The following VKORC1L1 variants were observed in gnomAD, a reference collection of about 807,000 sequenced individuals.
The protein encoded by VKORC1L1 is vitamin K epoxide reductase complex subunit 1L1, also known as vitamin K epoxide reductase complex subunit 1-like protein 1.
VKORC1L1 carries 2 observed loss-of-function variants against 18.9 expected under a neutral mutation model. The ratio of observed to expected loss-of-function variants is 0.11; its 90% confidence interval spans 0.04 to 0.33. The LOEUF (loss-of-function observed/expected upper bound fraction) is 0.33. Among genes scored for constraint, VKORC1L1 ranks in the 10% least tolerant of loss-of-function variants. VKORC1L1 has a pLI of 1.00. For synonymous variants in VKORC1L1, 96 were observed against 100.0 expected, an observed-to-expected ratio of 0.96 and a Z score of 0.24; for missense variants, 123 against 224.1, an observed-to-expected ratio of 0.55 and a Z score of 2.88.
At chr7:65,901,863 G>C (rs906472564) in intron 1 of VKORC1L1, among the ~76,000 whole-genome samples, 1 of 152,006 alleles carries the variant, frequency 6.6e-6, no homozygotes, top group African/African-American at 2.4e-5. Flanking sequence ...ACAATTCCTG[G>C]GACTCAACAC....
At chr7:65,891,891 A>G (rs1789116130) in intron 1 of VKORC1L1, among the ~76,000 whole-genome samples, 1 of 152,190 alleles carries the variant, frequency 6.6e-6, no homozygotes, top group Non-Finnish European at 1.5e-5. Flanking sequence ...GGTACTGAAC[A>G]CTAGACTTAC....
chr7:65,900,904 A>G lies in VKORC1L1; in HGVS notation c.194+27339A>G, dbSNP rs192250160. Among the ~76,000 whole-genome samples the G allele has an allele frequency of 9.1e-3, 1,390 of 152,354 alleles. 12 individuals are homozygous for G. Among genetic ancestry groups the G allele is most frequent in the Middle Eastern group, 0.017 (5 of 294 alleles). On this transcript the variant is annotated intron_variant, in intron 1 of 2. Transcript: ENST00000360768. The stretch of plus-strand genomic sequence containing the variant: ...TCACCCTTTTCCCCTCTGTGAATGA[A>G]GAAGTCCAAGGCCAGTCACGTAGTA...
chr7:65,908,025 T>C (rs1019998515), intron 1 of VKORC1L1, among the ~76,000 whole-genome samples: 4 of 152,320 alleles, frequency 2.6e-5, no homozygotes, highest in African/African-American at 7.2e-5. Context: ...ACTCCTTTGA[T>C]ACACAGAGGC....
Position 65,954,302 on chromosome 7 carries a change from G to T in VKORC1L1, c.*2G>T, listed in dbSNP as rs563348929. ...CAGCTGCAACCCAAGCAGGACTGACGCCCGACAGACTCCACCCTAACAGTC... is the reference window on the plus strand; with the variant it reads ...CAGCTGCAACCCAAGCAGGACTGACTCCCGACAGACTCCACCCTAACAGTC... On this transcript the variant is annotated 3_prime_UTR_variant, in exon 3 of 3. Coordinates refer to ENST00000360768, the MANE Select transcript of VKORC1L1 (RefSeq NM_173517.6). 6.2e-7 allele frequency: 1 copy of T among 1,613,966 alleles called. No individual in the cohort carries two copies.
At chr7:65,906,413 T>C (rs191357377) in intron 1 of VKORC1L1, among the ~76,000 whole-genome samples, 7 of 152,170 alleles carry the variant, frequency 4.6e-5, no homozygotes. Flanking sequence ...TTTAGTAGTA[T>C]AAAGTTAGGT....
chr7:65,902,681 A>C (rs1410117962), intron 1 of VKORC1L1, among the ~76,000 whole-genome samples: 2 of 152,154 alleles, frequency 1.3e-5, no homozygotes, highest in African/African-American at 2.4e-5. Context: ...AAAGGAAACC[A>C]CACCAAGGCA....
At chr7:65,913,315 T>C (rs1025763564) in intron 1 of VKORC1L1, among the ~76,000 whole-genome samples, 2 of 152,144 alleles carry the variant, frequency 1.3e-5, no homozygotes, top group Middle Eastern at 3.2e-3. Context: ...GTTTTTTTCA[T>C]GTAACGTCCT....
intron 1 of VKORC1L1, among the ~76,000 whole-genome samples, chr7:65,900,385 G>A (rs1302054225): frequency 1.5e-4 from 22 of 147,174 alleles, no homozygotes; most frequent in Non-Finnish European, 2.7e-4. Context: ...ACAGAGCGAG[G>A]CTCTATCTCA....
intron 1 of VKORC1L1, among the ~76,000 whole-genome samples, chr7:65,874,366 C>T (rs951409834): frequency 6.6e-6 from 1 of 151,892 alleles, no homozygotes; most frequent in African/African-American, 2.4e-5. Flanking sequence ...GACTTTTAAA[C>T]GTTGTTGCCT....
chr7:65,942,778 G>T (rs948782525), intron 1 of VKORC1L1, among the ~76,000 whole-genome samples: 2 of 151,708 alleles, frequency 1.3e-5, no homozygotes, highest in Non-Finnish European at 2.9e-5. Flanking sequence ...TGCCTACCTC[G>T]GCCTCCCAAA....
At position 65,873,344 on chromosome 7, in the gene VKORC1L1, GGGA is replaced by G. The variant is rs1562977357; in HGVS notation, c.-25_-23del. The stretch of plus-strand genomic sequence containing the variant: ...CGGCGGCGGCTGAGGTGGAGGCGGA[GGGA>G]GGCGGCGGCGGCGGCGGCGGGAAGA... On this transcript the variant is annotated 5_prime_UTR_variant, in exon 1 of 3. Transcript: ENST00000360768. 1 of 1,472,890 alleles carries G rather than the reference GGGA, an allele frequency of 6.8e-7. No individual in the cohort carries two copies. The highest frequency in any genetic ancestry group is 9.0e-7 in the Non-Finnish European group (1 of 1,111,110). 91.2% of individuals were successfully genotyped at this position (1,472,890 alleles called of 1,614,324 possible). A position where few individuals can be genotyped will look rare whatever the true frequency, so the allele number is the denominator to read the frequency against.
intron 1 of VKORC1L1, among the ~76,000 whole-genome samples, chr7:65,937,251 C>T (rs1468674466): frequency 1.3e-5 from 2 of 152,228 alleles, no homozygotes; most frequent in Non-Finnish European, 2.9e-5. Flanking sequence ...TTACTCTCCT[C>T]TATCAACCAG....
intron 1 of VKORC1L1, among the ~76,000 whole-genome samples, chr7:65,931,971 A>G (rs1411649231): frequency 1.3e-5 from 2 of 152,130 alleles, no homozygotes. Context: ...CATTTCAAAG[A>G]ACCAGCCTTT....
At chr7:65,928,274 T>C (rs1029585251) in intron 1 of VKORC1L1, among the ~76,000 whole-genome samples, 1 of 148,994 alleles carries the variant, frequency 6.7e-6, no homozygotes, top group Non-Finnish European at 1.5e-5. Flanking sequence ...TTTTTTTTTT[T>C]CAGATGGGGT....
At position 65,914,488 on chromosome 7, in the gene VKORC1L1, A is replaced by G. The variant is rs181389833; in HGVS notation, c.195-34183A>G. Among the ~76,000 whole-genome samples the G allele has an allele frequency of 2.3e-3, 347 of 151,854 alleles. 1 individual carries two copies. Among genetic ancestry groups the G allele is most frequent in the Admixed American group, 3.5e-3 (53 of 15,230 alleles). Reference sequence around the variant, plus strand: ...ATTGTCCTGCATCCTTAACCTCCCCATCTTTCCCTTTGCAATCTTACCTCA... The same window carrying G: ...ATTGTCCTGCATCCTTAACCTCCCCGTCTTTCCCTTTGCAATCTTACCTCA... On this transcript the variant is annotated intron_variant, in intron 1 of 2. Coordinates refer to ENST00000360768, the MANE Select transcript of VKORC1L1 (RefSeq NM_173517.6).
chr7:65,937,455 C>A (rs1789962656), intron 1 of VKORC1L1, among the ~76,000 whole-genome samples: 1 of 152,170 alleles, frequency 6.6e-6, no homozygotes, highest in South Asian at 2.1e-4. Context: ...AGTGCAGTAG[C>A]ACAAACACAG....
intron 1 of VKORC1L1, among the ~76,000 whole-genome samples, chr7:65,933,145 C>A (rs1789886431): frequency 6.7e-6 from 1 of 149,856 alleles, no homozygotes; most frequent in Non-Finnish European, 1.5e-5. Flanking sequence ...AATGTCAGAT[C>A]AGGTTGCTTG....
chr7:65,881,990 G>T (rs1174603499), intron 1 of VKORC1L1, among the ~76,000 whole-genome samples: 1 of 152,048 alleles, frequency 6.6e-6, no homozygotes, highest in African/African-American at 2.4e-5. Flanking sequence ...TGAGGCAGGA[G>T]AATCACTTGA....
At position 65,948,905 on chromosome 7, in the gene VKORC1L1, T is replaced by C. The variant is rs1017829999; in HGVS notation, c.304+125T>C. The C allele has an allele frequency of 8.0e-6, 10 of 1,244,488 alleles. No individual in the cohort carries two copies. The Admixed American group carries it at 3.0e-4, about 38-fold the overall frequency. The allele number at this position is 1,244,488 out of a possible 1,614,324, so 77.1% of individuals were successfully genotyped here. The stretch of plus-strand genomic sequence containing the variant: ...AGAACCACTAGCGTGTACAACATTT[T>C]TGTGTTATGAAAACTTGATTCACTG... On this transcript the variant is annotated intron_variant, in intron 2 of 2. Transcript: ENST00000360768.
Sources: gnomAD v4.1 joint callset for allele counts (sites outside exome capture counted in the v4.1 genomes callset) on GRCh38, gnomAD v4.1.1 for gene constraint, MANE v1.5 for transcripts, NCBI Gene and HGNC (gene_info 2026-07-23, HGNC 2026-07-21) for gene names.